The following POLR1C variants were observed in gnomAD, a reference collection of about 807,000 sequenced individuals.
The protein encoded by POLR1C is RNA polymerase I and III subunit C.
Under a neutral mutation model 38.3 loss-of-function variants are expected in POLR1C, and 42 were observed. That is an observed-to-expected ratio of 1.10 (90% CI 0.86 to 1.42). The LOEUF is 1.42. Ranked by LOEUF, POLR1C falls within the 40% of genes most tolerant of loss-of-function variation. The pLI is 0.00. For missense variants in POLR1C, 507 were observed against 450.5 expected (o/e 1.13, Z -1.14); for synonymous variants, 163 against 163.9 (o/e 0.99, Z 0.04).
At chr6:43,540,699 C>G (rs1239988090) in intron 9 of POLR1C, among the ~76,000 whole-genome samples, 5 of 152,078 alleles carry the variant, frequency 3.3e-5, no homozygotes, top group Non-Finnish European at 7.4e-5. Context: ...GCTACGTTGC[C>G]CAGGCTGGTC....
intron 9 of POLR1C, chr6:43,539,742 CTTGGGAATAGTTTGT>C: frequency 1.6e-6 from 1 of 610,108 alleles, no homozygotes; most frequent in Non-Finnish European, 2.9e-6. Flanking sequence ...TTTTTCTATT[CTTGGGAATAGTTTGT>C]CTAAGAGATA....
At chr6:43,560,981 T>C (rs1435125030) in intron 10 of POLR1C, 9 of 1,613,986 alleles carry the variant, frequency 5.6e-6, no homozygotes, top group Non-Finnish European at 7.6e-6. Flanking sequence ...CAAAGTTTGA[T>C]GGTGTTTCTA....
chr6:43,528,917 C>CAAAG, intron 8 of POLR1C: 1 of 1,612,538 alleles, frequency 6.2e-7, no homozygotes, highest in Non-Finnish European at 8.5e-7. Flanking sequence ...AGAGGCTTTA[C>CAAAG]AAAGACACGT....
chr6:43,545,733 AC>A (rs757319790), intron 9 of POLR1C, among the ~76,000 whole-genome samples: 3 of 150,816 alleles, frequency 2.0e-5, no homozygotes, highest in Non-Finnish European at 4.4e-5. Context: ...CAAAAAAAAA[AC>A]CAATCCTGTG....
chr6:43,546,879 G>T, intron 9 of POLR1C: 1 of 945,896 alleles, frequency 1.1e-6, no homozygotes, highest in Non-Finnish European at 1.5e-6. Flanking sequence ...ATAATCCTCT[G>T]CTCCCCGGCA....
chr6:43,528,864 G>A (rs1280342295), intron 8 of POLR1C: 4 of 1,613,880 alleles, frequency 2.5e-6, no homozygotes, highest in Admixed American at 3.3e-5. Context: ...CGAGGATGGG[G>A]GATACCAGGG....
In POLR1C at chr6:43,521,388, G is replaced by A; in HGVS notation, c.*88G>A. ...CTGAACAGAGAGCCCAGTGTGACTA[G>A]GGATCCTGAGTTTTCTGGGACAATT... is the stretch of plus-strand genomic sequence containing the variant. On this transcript the variant is annotated 3_prime_UTR_variant, in exon 9 of 9. Coordinates refer to ENST00000642195, the MANE Select transcript of POLR1C (RefSeq NM_203290.4). 3 of 1,603,506 alleles carry A rather than the reference G, an allele frequency of 1.9e-6. No homozygotes were observed. The highest frequency in any genetic ancestry group is 2.6e-6 in the Non-Finnish European group (3 of 1,176,182).
At chr6:43,549,471 C>G (rs1315465697) in intron 9 of POLR1C, 3 of 1,582,424 alleles carry the variant, frequency 1.9e-6, no homozygotes, top group South Asian at 2.3e-5. Flanking sequence ...CTACTTCAGC[C>G]AGGGTCCAGC....
intron 10 of POLR1C, among the ~76,000 whole-genome samples, chr6:43,552,455 C>G (rs1266277196): frequency 1.3e-5 from 2 of 151,888 alleles, no homozygotes; most frequent in Non-Finnish European, 1.5e-5. Context: ...TGGGTTCAAG[C>G]GATTCCTGTA....
intron 4 of POLR1C, 22 bp from the exon 5 acceptor site, chr6:43,520,044 G>A (rs1337699842): frequency 6.2e-7 from 1 of 1,613,760 alleles, no homozygotes; most frequent in Non-Finnish European, 8.5e-7. Context: ...CTAGTTCTTA[G>A]GAGCTCCCTC....
intron 10 of POLR1C, chr6:43,561,033 C>T (rs547322153): frequency 3.2e-5 from 50 of 1,562,228 alleles, no homozygotes; most frequent in African/African-American, 2.6e-4. Context: ...ACTATATTAA[C>T]GGTGTTGATC....
At chr6:43,523,694 T>A, downstream of POLR1C, 2 of 984,962 alleles carry the variant, frequency 2.0e-6, no homozygotes, top group Non-Finnish European at 3.3e-6. Flanking sequence ...TACTTTAGTA[T>A]AATTACTTCT....
At chr6:43,530,584 CTT>C, downstream of POLR1C, 1 of 1,362,220 alleles carries the variant, frequency 7.3e-7, no homozygotes, top group Non-Finnish European at 1.0e-6. Flanking sequence ...AATCTCATCT[CTT>C]CCTTCCAGTT....
chr6:43,551,217 C>T, intron 10 of POLR1C: 1 of 1,381,502 alleles, frequency 7.2e-7, no homozygotes. Context: ...GTAGCAAGAT[C>T]CTGTCTCCAA....
Position 43,537,886 on chromosome 6 carries a change from G to A in POLR1C, c.*4+8527G>A, listed in dbSNP as rs774842131. On this transcript the variant is annotated intron_variant, in intron 9 of 10. Coordinates refer to the POLR1C transcript ENST00000607635. The stretch of plus-strand genomic sequence containing the variant: ...GTTTGAGACCAGCCTGGGTAACATG[G>A]CAAAACCCTGTATCTACTAAAAATA... Among the ~76,000 whole-genome samples the A allele has an allele frequency of 7.9e-5, 12 of 151,820 alleles. No homozygotes were observed. In the South Asian group the frequency reaches 1.0e-3, roughly 13 times the overall value.
intron 9 of POLR1C, chr6:43,539,315 A>C (rs1035400925): frequency 1.9e-6 from 3 of 1,567,746 alleles, no homozygotes; most frequent in Non-Finnish European, 2.6e-6. Flanking sequence ...GTAGTCCCCG[A>C]TAGCAACAAA....
intron 10 of POLR1C, chr6:43,556,015 A>G (rs1211704468): frequency 1.2e-6 from 2 of 1,604,852 alleles, no homozygotes; most frequent in African/African-American, 2.7e-5. Flanking sequence ...ACTGGTATAA[A>G]ATAAGTACTT....
At chr6:43,547,271 A>T (rs1210523365) in intron 9 of POLR1C, 1 of 398,080 alleles carries the variant, frequency 2.5e-6, no homozygotes, top group East Asian at 6.1e-5. Flanking sequence ...TTAAGCCATC[A>T]CTTAAGACTT....
At chr6:43,544,986 C>T (rs923105789) in intron 9 of POLR1C, among the ~76,000 whole-genome samples, 5 of 152,140 alleles carry the variant, frequency 3.3e-5, no homozygotes, top group African/African-American at 1.2e-4. Context: ...GATTCTCCTG[C>T]CTCAGCCTCT....
Sources: allele counts gnomAD v4.1 joint callset (sites outside exome capture counted in the v4.1 genomes callset), GRCh38; gene constraint gnomAD v4.1.1; transcripts MANE v1.5; gene names NCBI Gene and HGNC (gene_info 2026-07-23, HGNC 2026-07-21).